Variants in DEK observed in about 807,000 individuals in gnomAD.
DEK encodes DEK proto-oncogene.
DEK carries 28 observed loss-of-function variants against 46.8 expected under a neutral mutation model. That is an observed-to-expected ratio of 0.60 (90% CI 0.44 to 0.82). The LOEUF (loss-of-function observed/expected upper bound fraction) is 0.82. DEK is among the 40% of genes least tolerant of loss of function. The pLI is 0.00. For synonymous variants in DEK, 160 were observed against 144.5 expected (o/e 1.11, Z -0.77); for missense variants, 416 against 430.6 (o/e 0.97, Z 0.30).
intron 7 of DEK, among the ~76,000 whole-genome samples, chr6:18,245,777 C>G (rs72840629): frequency 1.3e-5 from 2 of 152,134 alleles, no homozygotes. Flanking sequence ...CTCATTGATA[C>G]GGTTTGGCTC....
chr6:18,233,386 A>G (rs971620910), intron 9 of DEK, among the ~76,000 whole-genome samples: 9 of 152,352 alleles, frequency 5.9e-5, no homozygotes, highest in African/African-American at 2.2e-4. Context: ...CTGCACAGCA[A>G]AAGAAACTAC....
chr6:18,237,379 AC>A lies in DEK; in HGVS notation c.898+1del. 1.3e-6 allele frequency: 2 copies of A among 1,588,904 alleles called. No individual in the cohort carries two copies. The highest frequency in any genetic ancestry group is 1.7e-6 in the Non-Finnish European group (2 of 1,174,098). On this transcript the variant is annotated splice_donor_variant, in intron 8 of 10. Coordinates refer to ENST00000652689, the MANE Select transcript of DEK (RefSeq NM_003472.4). LOFTEE classifies it high-confidence loss of function. Reference sequence around the variant, plus strand: ...TGCTGATTAATGTTATTTCTAACATACCTTTTTTGGAACTGTTTTGATTCTT... The same window carrying A: ...TGCTGATTAATGTTATTTCTAACATACTTTTTTGGAACTGTTTTGATTCTT...
intron 9 of DEK, among the ~76,000 whole-genome samples, chr6:18,229,883 C>T (rs1232415565): frequency 6.6e-6 from 1 of 152,094 alleles, no homozygotes; most frequent in Non-Finnish European, 1.5e-5. Context: ...GAGAACACCA[C>T]AAAAATACTC....
Position 18,255,801 on chromosome 6 carries a change from C to G in DEK, c.503G>C (p.Arg168Thr). 1.9e-6 allele frequency: 3 copies of G among 1,612,532 alleles called. No homozygotes were observed. Among genetic ancestry groups the G allele is most frequent in the Non-Finnish European group, 2.5e-6 (3 of 1,179,664 alleles). The change falls in exon 6 of 11, where the codon AGA (arginine) becomes ACA (threonine). Residue 168 changes from arginine (R) to threonine (T), a missense_variant. Coordinates refer to ENST00000652689, the MANE Select transcript of DEK (RefSeq NM_003472.4). ...KSICEVLDLE[R>T]SGVNSELVKR... ...CACTAGTTCACTATTTACACCTGAT[C>G]TCTCCAAATCAAGAACCTCACAGAT...
intron 9 of DEK, among the ~76,000 whole-genome samples, chr6:18,234,764 C>T (rs1790574472): frequency 6.6e-6 from 1 of 152,154 alleles, no homozygotes. Context: ...AAATTGCTTT[C>T]TCCCCTCCAC....
Position 18,260,058 on chromosome 6 carries a change from CTCAG to C in DEK, c.146-1657_146-1654del, listed in dbSNP as rs1391312585. ...TGAGATTCATATTAACTAATATTGC[CTCAG>C]TATCTGTGAGGGATTGGTTCCAGGA... On this transcript the variant is annotated intron_variant, in intron 2 of 10. Coordinates refer to ENST00000652689, the MANE Select transcript of DEK (RefSeq NM_003472.4). Among the ~76,000 whole-genome samples, 3 of 152,262 alleles carry C rather than the reference CTCAG, an allele frequency of 2.0e-5. No homozygotes were observed. In the East Asian group the frequency reaches 5.8e-4, roughly 29 times the overall value.
Position 18,256,441 on chromosome 6 carries a change from CTTT to C in DEK, c.369_371del (p.Lys125del). On this transcript the variant is annotated inframe_deletion, in exon 5 of 11. Coordinates refer to ENST00000652689, the MANE Select transcript of DEK (RefSeq NM_003472.4). ...AGCCACTGAACTGACCCACATTCTT[CTTT>C]AATGAGGACACCTGAAAATGTTCCT... The C allele has an allele frequency of 6.2e-7, 1 of 1,612,626 alleles. No homozygotes were observed. The highest frequency in any genetic ancestry group is 8.5e-7 in the Non-Finnish European group (1 of 1,179,298).
intron 1 of DEK, 157 bp from the exon 2 acceptor site, chr6:18,264,153 G>A: frequency 1.8e-6 from 1 of 569,648 alleles, no homozygotes; most frequent in Non-Finnish European, 2.7e-6. Context: ...CCCAGGGGCG[G>A]CTTCCCTCCC....
At chr6:18,228,447 C>T (rs888742817) in intron 9 of DEK, among the ~76,000 whole-genome samples, 8 of 151,864 alleles carry the variant, frequency 5.3e-5, no homozygotes, top group Admixed American at 5.2e-4. Context: ...CCACCGTGAG[C>T]GACGCAGAAG....
At chr6:18,244,359 A>G (rs1582274669) in intron 7 of DEK, 2 of 346,356 alleles carry the variant, frequency 5.8e-6, no homozygotes, top group Non-Finnish European at 1.1e-5. Flanking sequence ...ACTATAACCT[A>G]AATTTTTAAA....
At chr6:18,251,453 A>G (rs1253195492) in intron 6 of DEK, among the ~76,000 whole-genome samples, 1 of 152,218 alleles carries the variant, frequency 6.6e-6, no homozygotes, top group African/African-American at 2.4e-5. Context: ...CTCTCTGCAA[A>G]GAAACCACAG....
intron 3 of DEK, 61 bp downstream of exon 3, chr6:18,258,243 A>G (rs1296927331): frequency 1.4e-6 from 2 of 1,425,828 alleles, no homozygotes; most frequent in East Asian, 2.3e-5. Context: ...GCTACAAACC[A>G]TCATTTTCAC....
chr6:18,245,606 T>A (rs991432563), intron 7 of DEK, among the ~76,000 whole-genome samples: 1 of 152,250 alleles, frequency 6.6e-6, no homozygotes, highest in Non-Finnish European at 1.5e-5. Flanking sequence ...TAAAATATGC[T>A]TTTAAAGAGT....
chr6:18,245,991 T>C (rs750390009), intron 7 of DEK, among the ~76,000 whole-genome samples: 3 of 152,260 alleles, frequency 2.0e-5, no homozygotes, highest in Non-Finnish European at 4.4e-5. Context: ...AGATGGGTCT[T>C]TGCTCCTCAT....
intron 7 of DEK, among the ~76,000 whole-genome samples, chr6:18,238,154 C>T (rs1456803383): frequency 6.6e-6 from 1 of 151,948 alleles, no homozygotes; most frequent in Non-Finnish European, 1.5e-5. Flanking sequence ...CAGGCATGAG[C>T]CACCACACCT....
intron 9 of DEK, among the ~76,000 whole-genome samples, chr6:18,228,514 C>G (rs530744366): frequency 4.6e-5 from 7 of 151,834 alleles, no homozygotes; most frequent in Admixed American, 1.3e-4. Context: ...TGGGGCTTGT[C>G]GGACGGTGGG....
At chr6:18,237,654 TGA>T in intron 7 of DEK, 138 bp from the exon 8 acceptor site, 1 of 1,174,356 alleles carries the variant, frequency 8.5e-7, no homozygotes, top group Non-Finnish European at 1.2e-6. Context: ...AAATTCTTTT[TGA>T]GAGATGACTA....
rs553269255 is a variant in DEK, at chr6:18,237,269, C to T, written c.898+112G>A. On this transcript the variant is annotated intron_variant, in intron 8 of 10. Coordinates refer to ENST00000652689, the MANE Select transcript of DEK (RefSeq NM_003472.4). ...ATATTCAACCTGTATTACTTCTCCCCGCAATGTTCTCTGCAGTTTACCTGT... is the reference window on the plus strand; with the variant it reads ...ATATTCAACCTGTATTACTTCTCCCTGCAATGTTCTCTGCAGTTTACCTGT... 81 of 1,285,064 alleles carry T rather than the reference C, an allele frequency of 6.3e-5. No individual in the cohort carries two copies. In the Admixed American group the frequency reaches 1.5e-3, roughly 24 times the overall value. The allele number at this position is 1,285,064 out of a possible 1,614,324, so 79.6% of individuals were successfully genotyped here. A position where few individuals can be genotyped will look rare whatever the true frequency, so the allele number is the denominator to read the frequency against.
intron 6 of DEK, among the ~76,000 whole-genome samples, chr6:18,253,248 A>C (rs554135649): frequency 6.6e-6 from 1 of 152,268 alleles, no homozygotes; most frequent in Non-Finnish European, 1.5e-5. Context: ...TAGGTATTTG[A>C]TAGAGATGTT....
Sources: allele counts gnomAD v4.1 joint callset (sites outside exome capture counted in the v4.1 genomes callset), GRCh38; gene constraint gnomAD v4.1.1; transcripts MANE v1.5; gene names NCBI Gene and HGNC (gene_info 2026-07-23, HGNC 2026-07-21).